Variants in GRHL2 observed in about 807,000 individuals in gnomAD.
GRHL2 encodes the protein grainyhead like transcription factor 2, also known as grainyhead-like protein 2 homolog.
Under a neutral mutation model 83.8 loss-of-function variants are expected in GRHL2, and 21 were observed. The ratio of observed to expected loss-of-function variants is 0.25; its 90% CI spans 0.18 to 0.36. The LOEUF is 0.36. GRHL2 is among the 10% of genes least tolerant of loss of function. GRHL2 has a pLI of 1.00. For synonymous variants in GRHL2, 280 were observed against 278.9 expected (o/e 1.00, Z -0.04); for missense variants, 623 against 781.8 (o/e 0.80, Z 2.42).
intron 1 of GRHL2, chr8:101,529,007 G>A (rs1415172731): frequency 1.1e-5 from 4 of 378,180 alleles, no homozygotes; most frequent in Non-Finnish European, 2.1e-5. Flanking sequence ...TCTCCCTGTG[G>A]TATTTCAGAT....
At chr8:101,521,833 A>T (rs999665301) in intron 1 of GRHL2, among the ~76,000 whole-genome samples, 4 of 152,212 alleles carry the variant, frequency 2.6e-5, no homozygotes, top group Non-Finnish European at 5.9e-5. Context: ...ACGCTGTGGT[A>T]ATAAGCTGAC....
At chr8:101,654,101 A>G (rs1813734346) in intron 14 of GRHL2, among the ~76,000 whole-genome samples, 2 of 152,188 alleles carry the variant, frequency 1.3e-5, no homozygotes, top group Admixed American at 1.3e-4. Flanking sequence ...GGTCTAGGCT[A>G]CCACCTTCAT....
intron 7 of GRHL2, among the ~76,000 whole-genome samples, chr8:101,590,809 C>A (rs527399196): frequency 2.6e-5 from 4 of 152,278 alleles, no homozygotes; most frequent in African/African-American, 9.6e-5. Context: ...TACCTTGAGT[C>A]GGCATTTGTG....
chr8:101,637,609 A>T (rs769010741), intron 12 of GRHL2, among the ~76,000 whole-genome samples: 1 of 152,218 alleles, frequency 6.6e-6, no homozygotes, highest in African/African-American at 2.4e-5. Context: ...CCTTAAGGTC[A>T]TTTAGCTGAC....
intron 5 of GRHL2, among the ~76,000 whole-genome samples, chr8:101,571,888 C>A (rs1811835619): frequency 6.6e-6 from 1 of 152,152 alleles, no homozygotes; most frequent in Non-Finnish European, 1.5e-5. Flanking sequence ...ATCCAAAGCA[C>A]CATGTCAGCA....
chr8:101,611,125 TC>T (rs1812740907), intron 8 of GRHL2, among the ~76,000 whole-genome samples: 1 of 150,952 alleles, frequency 6.6e-6, no homozygotes, highest in South Asian at 2.1e-4. Flanking sequence ...TTTACATACT[TC>T]CCCATTCATC....
chr8:101,596,087 T>C (rs1812384319), intron 7 of GRHL2, among the ~76,000 whole-genome samples: 1 of 151,410 alleles, frequency 6.6e-6, no homozygotes, highest in African/African-American at 2.4e-5. Context: ...ACCACTGCAC[T>C]CCAGCCTTGG....
At chr8:101,649,088 C>G (rs1813569550) in intron 13 of GRHL2, among the ~76,000 whole-genome samples, 1 of 152,164 alleles carries the variant, frequency 6.6e-6, no homozygotes, top group Admixed American at 6.5e-5. Context: ...GTCAAAGGAA[C>G]AAATAACACA....
intron 14 of GRHL2, among the ~76,000 whole-genome samples, chr8:101,658,895 G>A (rs1813855150): frequency 6.6e-6 from 1 of 152,150 alleles, no homozygotes; most frequent in African/African-American, 2.4e-5. Flanking sequence ...TAGGACTTCC[G>A]AGTATGCAAC....
chr8:101,670,434 C>T (rs1814186371), downstream of GRHL2, among the ~76,000 whole-genome samples: 1 of 152,252 alleles, frequency 6.6e-6, no homozygotes. Context: ...CCTCCCTTGA[C>T]CAACTTCAAC....
At chr8:101,628,976 C>T (rs1813132239) in intron 9 of GRHL2, among the ~76,000 whole-genome samples, 1 of 152,120 alleles carries the variant, frequency 6.6e-6, no homozygotes, top group Non-Finnish European at 1.5e-5. Flanking sequence ...AGGCTGTGAA[C>T]ATTGTTGGAA....
intron 14 of GRHL2, among the ~76,000 whole-genome samples, chr8:101,660,261 A>C (rs1196763719): frequency 6.6e-6 from 1 of 151,750 alleles, no homozygotes; most frequent in East Asian, 1.9e-4. Flanking sequence ...GCTTTTTATC[A>C]TTATATCATA....
At chr8:101,530,161 C>A (rs1810894562) in intron 1 of GRHL2, among the ~76,000 whole-genome samples, 2 of 152,224 alleles carry the variant, frequency 1.3e-5, no homozygotes, top group African/African-American at 4.8e-5. Flanking sequence ...CTCAAGCACA[C>A]ATTAACCCCT....
chr8:101,590,885 A>C (rs1252414969), intron 7 of GRHL2, among the ~76,000 whole-genome samples: 1 of 152,196 alleles, frequency 6.6e-6, no homozygotes, highest in Non-Finnish European at 1.5e-5. Flanking sequence ...CGCACCTTTC[A>C]GAAGAGAAGC....
At chr8:101,574,871 C>A (rs1299470683) in intron 6 of GRHL2, among the ~76,000 whole-genome samples, 1 of 152,216 alleles carries the variant, frequency 6.6e-6, no homozygotes, top group African/African-American at 2.4e-5. Context: ...TGCCATCTGT[C>A]TAGTAACTCA....
chr8:101,675,091 C>T, the GRHL2 span, among the ~76,000 whole-genome samples: 1 of 152,122 alleles, frequency 6.6e-6, no homozygotes, highest in African/African-American at 2.4e-5. Context: ...GACAAACCCA[C>T]AGCCAATATC....
intron 1 of GRHL2, among the ~76,000 whole-genome samples, chr8:101,534,318 C>T (rs1586070135): frequency 6.6e-6 from 1 of 152,058 alleles, no homozygotes; most frequent in African/African-American, 2.4e-5. Context: ...CTACTAGGCT[C>T]ACTCACCTGG....
intron 5 of GRHL2, 119 bp downstream of exon 5, chr8:101,570,513 C>T: frequency 1.2e-6 from 1 of 861,760 alleles, no homozygotes; most frequent in Non-Finnish European, 2.0e-6. Context: ...AGTGTGATTT[C>T]CTTTGCCTCA....
chr8:101,592,691 G>A (rs991668785), intron 7 of GRHL2, among the ~76,000 whole-genome samples: 16 of 152,118 alleles, frequency 1.1e-4, no homozygotes, highest in African/African-American at 3.1e-4. Context: ...GAGAAGCACC[G>A]TTATAGAATC....
Sources: gnomAD v4.1 joint callset for allele counts (sites outside exome capture counted in the v4.1 genomes callset) on GRCh38, gnomAD v4.1.1 for gene constraint, MANE v1.5 for transcripts, NCBI Gene and HGNC (gene_info 2026-07-23, HGNC 2026-07-21) for gene names.